The following PDE3B variants were observed in gnomAD, a reference collection of about 807,000 sequenced individuals.
PDE3B encodes phosphodiesterase 3B, also known as cGMP-inhibited 3',5'-cyclic phosphodiesterase 3B.
In PDE3B, 66 loss-of-function variants were observed where a neutral mutation model predicts 116.8. The observed-to-expected ratio is 0.56, with a 90% CI of 0.46 to 0.69. PDE3B has a LOEUF of 0.69. Among genes scored for constraint, PDE3B ranks in the 30% least tolerant of loss-of-function variants. The pLI is 0.00. For synonymous variants in PDE3B, 595 were observed against 533.6 expected (o/e 1.12, Z -1.59); for missense variants, 1,384 against 1,368.1 (o/e 1.01, Z -0.18).
chr11:14,823,538 T>C (rs1330598120), intron 7 of PDE3B, among the ~76,000 whole-genome samples: 1 of 152,110 alleles, frequency 6.6e-6, no homozygotes, highest in African/African-American at 2.4e-5. Context: ...ACTGCTTTTT[T>C]ACACAGGTCC....
chr11:14,671,133 G>A (rs1239551719), intron 1 of PDE3B, among the ~76,000 whole-genome samples: 1 of 152,060 alleles, frequency 6.6e-6, no homozygotes, highest in Non-Finnish European at 1.5e-5. Flanking sequence ...TTAGCAGAGG[G>A]AAATAGAAAG....
chr11:14,724,482 A>G lies in PDE3B; in HGVS notation c.979-47455A>G, dbSNP rs187162290. 8.3e-4 allele frequency among the ~76,000 whole-genome samples: 127 copies of G among 152,328 alleles called. 1 individual carries two copies. The highest frequency in any genetic ancestry group is 4.1e-4 in the South Asian group (2 of 4,822). ...AAAATCTGAAGCTTTTTGAATGCCTATAAGATGCTTGAAGGTCATGCTCAA... is the reference window on the plus strand; with the variant it reads ...AAAATCTGAAGCTTTTTGAATGCCTGTAAGATGCTTGAAGGTCATGCTCAA... On this transcript the variant is annotated intron_variant, in intron 1 of 15. Coordinates refer to ENST00000282096, the MANE Select transcript of PDE3B (RefSeq NM_000922.4).
intron 15 of PDE3B, 68 bp downstream of exon 15, chr11:14,867,826 A>G: frequency 7.1e-7 from 1 of 1,413,716 alleles, no homozygotes; most frequent in Non-Finnish European, 9.5e-7. Context: ...TGAAAATCTG[A>G]AATATGAAAT....
chr11:14,683,663 C>G (rs978879010), intron 1 of PDE3B, among the ~76,000 whole-genome samples: 2 of 151,808 alleles, frequency 1.3e-5, no homozygotes, highest in Admixed American at 1.3e-4. Context: ...TCTGTTATCA[C>G]TCTTATTGAT....
At chr11:14,716,276 C>G (rs1291372712) in intron 1 of PDE3B, among the ~76,000 whole-genome samples, 1 of 152,158 alleles carries the variant, frequency 6.6e-6, no homozygotes, top group Non-Finnish European at 1.5e-5. Context: ...GCTACGCCCA[C>G]GGAATCTCGC....
At chr11:14,669,541 G>A (rs541599246) in intron 1 of PDE3B, among the ~76,000 whole-genome samples, 1 of 226 alleles carries the variant, frequency 4.4e-3, no homozygotes, top group Non-Finnish European at 0.013. Flanking sequence ...GTATACATGT[G>A]CCATGTTGGG....
At chr11:14,708,333 T>G (rs930975780) in intron 1 of PDE3B, among the ~76,000 whole-genome samples, 1 of 152,104 alleles carries the variant, frequency 6.6e-6, no homozygotes, top group Non-Finnish European at 1.5e-5. Context: ...TCTTGAACTT[T>G]CCAGTCATCA....
At chr11:14,728,038 A>G (rs1017724954) in intron 1 of PDE3B, among the ~76,000 whole-genome samples, 1 of 152,088 alleles carries the variant, frequency 6.6e-6, no homozygotes, top group African/African-American at 2.4e-5. Context: ...ACATTTATCT[A>G]TTATAGAAAG....
In PDE3B at chr11:14,786,502, T is replaced by A. The variant is rs1391065709; in HGVS notation, c.1095T>A (p.Asp365Glu). The change falls in exon 3 of 16, where the codon GAT becomes GAA. Residue 365 changes from aspartate (D) to glutamate (E), a missense_variant. Around this residue, in one of 2 missense-constraint regions of PDE3B, gnomAD observed 956 missense variants for 806.8 expected, o/e 1.18. Transcript: ENST00000282096. ...VLNEARNMVS[D>E]LLTDPSLPPQ... Reference sequence around the variant, plus strand: ...ATGAGGCTCGCAATATGGTGTCAGATCTTCTGACTGATCCAAGCCTTCCAC... The same window carrying A: ...ATGAGGCTCGCAATATGGTGTCAGAACTTCTGACTGATCCAAGCCTTCCAC... The A allele has an allele frequency of 6.2e-7, 1 of 1,611,034 alleles. No homozygotes were observed. Among genetic ancestry groups the A allele is most frequent in the Admixed American group, 1.7e-5 (1 of 59,954 alleles).
At chr11:14,759,971 A>G (rs1857309377) in intron 1 of PDE3B, among the ~76,000 whole-genome samples, 1 of 152,224 alleles carries the variant, frequency 6.6e-6, no homozygotes, top group Non-Finnish European at 1.5e-5. Flanking sequence ...TGAGATTTTT[A>G]TAAACTGGTC....
At chr11:14,811,830 G>C (rs1184538602) in intron 5 of PDE3B, among the ~76,000 whole-genome samples, 1 of 152,152 alleles carries the variant, frequency 6.6e-6, no homozygotes, top group Non-Finnish European at 1.5e-5. Flanking sequence ...GCAGTGGTTT[G>C]TAGTTCTCCT....
rs113191479 is a variant in PDE3B, at chr11:14,776,935, T to A, written c.1029+4948T>A. 5.8e-3 allele frequency among the ~76,000 whole-genome samples: 876 copies of A among 152,076 alleles called. 10 individuals are homozygous for A. Among genetic ancestry groups the A allele is most frequent in the African/African-American group, 0.02 (847 of 41,530 alleles). On this transcript the variant is annotated intron_variant, in intron 2 of 15. Transcript: ENST00000282096. ...AAAGGAATGACAACACTAAGATGAATCAGATTTGGAATTATCTGGCAAGGA... is the reference window on the plus strand; with the variant it reads ...AAAGGAATGACAACACTAAGATGAAACAGATTTGGAATTATCTGGCAAGGA...
chr11:14,729,202 G>A (rs1256064002), intron 1 of PDE3B, among the ~76,000 whole-genome samples: 1 of 152,170 alleles, frequency 6.6e-6, no homozygotes, highest in African/African-American at 2.4e-5. Context: ...AACACAGAAA[G>A]CATCTCAAAC....
intron 1 of PDE3B, among the ~76,000 whole-genome samples, chr11:14,646,208 T>C (rs1320156000): frequency 6.6e-6 from 1 of 152,256 alleles, no homozygotes; most frequent in Admixed American, 6.5e-5. Context: ...AAAAGTTTCT[T>C]GTCCTTAATG....
intron 1 of PDE3B, among the ~76,000 whole-genome samples, chr11:14,677,198 G>C (rs972198450): frequency 2.6e-5 from 4 of 152,018 alleles, no homozygotes; most frequent in African/African-American, 9.7e-5. Flanking sequence ...GGGTAAGATG[G>C]CACTTATCTT....
At chr11:14,829,159 G>A (rs1016612029) in intron 7 of PDE3B, among the ~76,000 whole-genome samples, 2 of 152,134 alleles carry the variant, frequency 1.3e-5, no homozygotes, top group South Asian at 4.1e-4. Context: ...GTCAGAGGGT[G>A]GAGGGTGGGC....
intron 1 of PDE3B, among the ~76,000 whole-genome samples, chr11:14,737,656 A>C (rs913774424): frequency 8.5e-5 from 13 of 152,098 alleles, no homozygotes; most frequent in Non-Finnish European, 1.3e-4. Flanking sequence ...TAGGGTACAC[A>C]TGCACAATGT....
intron 1 of PDE3B, among the ~76,000 whole-genome samples, chr11:14,664,934 T>C (rs1038008515): frequency 6.6e-6 from 1 of 152,228 alleles, no homozygotes; most frequent in Non-Finnish European, 1.5e-5. Flanking sequence ...AGCATCATCC[T>C]GATACCAAAG....
the PDE3B span, among the ~76,000 whole-genome samples, chr11:14,883,753 C>T: frequency 1.3e-5 from 2 of 151,972 alleles, 1 homozygote; most frequent in South Asian, 4.2e-4. Context: ...AGGCAACCTA[C>T]AAAATGGGAG....
Sources: allele counts gnomAD v4.1 joint callset (sites outside exome capture counted in the v4.1 genomes callset), GRCh38; gene constraint gnomAD v4.1.1; regional missense constraint gnomAD v4.1.1; transcripts MANE v1.5; gene names NCBI Gene and HGNC (gene_info 2026-07-23, HGNC 2026-07-21).